Variants in MPZL1 observed in about 807,000 individuals in gnomAD.
MPZL1 encodes myelin protein zero-like protein 1.
MPZL1 carries 16 observed loss-of-function variants against 29.3 expected under a neutral mutation model. The observed-to-expected ratio is 0.55, with a 90% CI of 0.37 to 0.83. The LOEUF is 0.83. Among genes scored for constraint, MPZL1 ranks in the 40% least tolerant of loss-of-function variants. The pLI is 0.00. For synonymous variants in MPZL1, 143 were observed against 132.0 expected, an observed-to-expected ratio of 1.08 and a Z score of -0.57; for missense variants, 279 against 332.9, an observed-to-expected ratio of 0.84 and a Z score of 1.26.
rs924751226 is a variant in MPZL1 at position 167,724,149 on chromosome 1, A to G, written c.91+1907A>G. On this transcript the variant is annotated intron_variant, in intron 1 of 5. Transcript: ENST00000359523. ...GAGCTTGAAGGAGGGTCATTATCTC[A>G]GACTGTAGTTCAGGCTACTGGAGGA... 2.0e-5 allele frequency among the ~76,000 whole-genome samples: 3 copies of G among 152,300 alleles called. No individual in the cohort carries two copies. In the East Asian group the frequency reaches 5.8e-4, roughly 29 times the overall value.
chr1:167,773,124 A>G (rs925974671), intron 3 of MPZL1, 112 bp from the exon 4 acceptor site: 1 of 1,120,184 alleles, frequency 8.9e-7, no homozygotes, highest in Non-Finnish European at 1.3e-6. Flanking sequence ...TTGGATAATA[A>G]AAGAGGGTAC....
chr1:167,791,531 A>C lies in MPZL1; in HGVS notation c.*3610A>C, dbSNP rs1661715664. 1 of 152,218 alleles carries C rather than the reference A, an allele frequency of 6.6e-6. No homozygotes were observed. The highest frequency in any genetic ancestry group is 2.4e-5 in the African/African-American group (1 of 41,452). 9.4% of individuals were successfully genotyped at this position (152,218 alleles called of 1,614,324 possible). Reference sequence around the variant, plus strand: ...CTGTGAGTTAACAGTAATTGTACTAATCTTAATCCCATTGTTTGAAAGATT... The same window carrying C: ...CTGTGAGTTAACAGTAATTGTACTACTCTTAATCCCATTGTTTGAAAGATT... On this transcript the variant is annotated 3_prime_UTR_variant, in exon 6 of 6. Transcript: ENST00000359523.
chr1:167,787,593 T>C (rs573336156), intron 5 of MPZL1, among the ~76,000 whole-genome samples: 3 of 152,334 alleles, frequency 2.0e-5, no homozygotes, highest in Admixed American at 1.3e-4. Context: ...AAGAATAATG[T>C]AACAAAGCCC....
intron 1 of MPZL1, among the ~76,000 whole-genome samples, chr1:167,761,446 TAGG>T (rs1333661278): frequency 6.6e-6 from 1 of 152,004 alleles, no homozygotes; most frequent in Admixed American, 6.6e-5. Flanking sequence ...ACTTTCTACA[TAGG>T]AGTGCAGGGA....
rs12745388 is a variant in MPZL1, at chr1:167,789,761, C to G, written c.*1840C>G. 0.054 allele frequency: 8,163 copies of G among 152,426 alleles called. 279 individuals are homozygous for G. The highest frequency in any genetic ancestry group is 0.088 in the Middle Eastern group (26 of 294). The allele number at this position is 152,426 out of a possible 1,614,324, so 9.4% of individuals were successfully genotyped here. A position where few individuals can be genotyped will look rare whatever the true frequency, so the allele number is the denominator to read the frequency against. On this transcript the variant is annotated 3_prime_UTR_variant, in exon 6 of 6. Coordinates refer to ENST00000359523, the MANE Select transcript of MPZL1 (RefSeq NM_003953.6). ...TCTGTGTGGAATGGAGAAAAAAACG[C>G]CTGCCCTGCTGCCTTCCATGTTCAT...
rs1314136657 is a variant in MPZL1 at position 167,729,355 on chromosome 1, T to C, written c.91+7113T>C. Among the ~76,000 whole-genome samples the C allele has an allele frequency of 2.0e-4, 30 of 152,064 alleles. 1 individual carries two copies. The stretch of plus-strand genomic sequence containing the variant: ...CAAACATTAAGTTTACAATGTGGAG[T>C]TATATACATTTAACATAATCATGTG... On this transcript the variant is annotated intron_variant, in intron 1 of 5. Coordinates refer to ENST00000359523, the MANE Select transcript of MPZL1 (RefSeq NM_003953.6).
intron 1 of MPZL1, among the ~76,000 whole-genome samples, chr1:167,727,272 G>A (rs1660167058): frequency 6.6e-6 from 1 of 152,080 alleles, no homozygotes; most frequent in African/African-American, 2.4e-5. Flanking sequence ...ATCCACACTG[G>A]AGCTAATATA....
rs1236250495 is a variant in MPZL1 at position 167,739,262 on chromosome 1, C to CATACATAT, written c.91+17040_91+17047dup. Among the ~76,000 whole-genome samples the CATACATAT allele has an allele frequency of 5.0e-3, 599 of 119,920 alleles. 12 individuals are homozygous for CATACATAT. Among genetic ancestry groups the CATACATAT allele is most frequent in the South Asian group, 0.011 (43 of 3,916 alleles). 78.7% of individuals were successfully genotyped at this position (119,920 alleles called of 152,430 possible). A position where few individuals can be genotyped will look rare whatever the true frequency, so the allele number is the denominator to read the frequency against. On this transcript the variant is annotated intron_variant, in intron 1 of 5. Coordinates refer to ENST00000359523, the MANE Select transcript of MPZL1 (RefSeq NM_003953.6). The stretch of plus-strand genomic sequence containing the variant: ...CCAGCCAAAGGGACTAATACATACA[C>CATACATAT]ATACATATATACATATATACATATA...
intron 1 of MPZL1, among the ~76,000 whole-genome samples, chr1:167,749,135 A>G (rs1660707872): frequency 1.3e-5 from 2 of 152,240 alleles, no homozygotes; most frequent in Non-Finnish European, 2.9e-5. Flanking sequence ...GACCCCAAGG[A>G]ATTCAAGATA....
At chr1:167,726,534 A>G (rs1660148863) in intron 1 of MPZL1, among the ~76,000 whole-genome samples, 1 of 152,208 alleles carries the variant, frequency 6.6e-6, no homozygotes, top group Non-Finnish European at 1.5e-5. Flanking sequence ...AGTTTGCAAT[A>G]TGTAGTTATG....
chr1:167,751,219 T>C (rs1365852936), intron 1 of MPZL1, among the ~76,000 whole-genome samples: 3 of 152,258 alleles, frequency 2.0e-5, no homozygotes, highest in Admixed American at 6.5e-5. Context: ...CCTTAAACTT[T>C]CACTCACCAT....
chr1:167,746,483 A>C (rs1265274998), intron 1 of MPZL1, among the ~76,000 whole-genome samples: 1 of 152,216 alleles, frequency 6.6e-6, no homozygotes, highest in South Asian at 2.1e-4. Context: ...ATAACAGAAG[A>C]GTGAAGACAA....
chr1:167,770,182 G>A (rs1281899326), intron 2 of MPZL1, among the ~76,000 whole-genome samples: 1 of 152,208 alleles, frequency 6.6e-6, no homozygotes, highest in Non-Finnish European at 1.5e-5. Flanking sequence ...AGGAATGGAT[G>A]AGTCTGCACT....
chr1:167,759,654 G>A (rs188103370), intron 1 of MPZL1, among the ~76,000 whole-genome samples: 2 of 152,156 alleles, frequency 1.3e-5, no homozygotes, highest in East Asian at 3.9e-4. Flanking sequence ...TTTAAGCAAG[G>A]ATCTTCACTG....
chr1:167,767,815 T>TTTA (rs397981852), intron 2 of MPZL1, among the ~76,000 whole-genome samples: 2 of 143,602 alleles, frequency 1.4e-5, no homozygotes, highest in South Asian at 2.2e-4. Context: ...TTTTTTTTTT[T>TTTA]AGGTTAATTG....
At chr1:167,769,204 G>A (rs1661188767) in intron 2 of MPZL1, among the ~76,000 whole-genome samples, 1 of 152,134 alleles carries the variant, frequency 6.6e-6, no homozygotes, top group South Asian at 2.1e-4. Context: ...TTTTCTATGG[G>A]TCTTTCACGT....
Position 167,722,296 on chromosome 1 carries a change from A to G in MPZL1, c.91+54A>G, listed in dbSNP as rs1039280659. The stretch of plus-strand genomic sequence containing the variant: ...CCGGGGAGTGGGGCCCCCGGGCCCG[A>G]CACACGCCCATCGCGGCGGTCGCAG... On this transcript the variant is annotated intron_variant, in intron 1 of 5. Transcript: ENST00000359523. 3.2e-5 allele frequency: 39 copies of G among 1,232,388 alleles called. No homozygotes were observed. The African/African-American group carries it at 5.1e-4, about 16-fold the overall frequency. The allele number at this position is 1,232,388 out of a possible 1,614,324, so 76.3% of individuals were successfully genotyped here.
At chr1:167,729,243 C>G (rs1374849978) in intron 1 of MPZL1, among the ~76,000 whole-genome samples, 3 of 150,848 alleles carry the variant, frequency 2.0e-5, no homozygotes, top group Non-Finnish European at 2.9e-5. Context: ...GCACTCCAGC[C>G]TGGGTGATAG....
intron 1 of MPZL1, among the ~76,000 whole-genome samples, chr1:167,723,429 G>C (rs572572052): frequency 6.6e-6 from 1 of 152,360 alleles, no homozygotes; most frequent in East Asian, 1.9e-4. Flanking sequence ...TCCAGGGGTT[G>C]ACAGATGATG....
Sources: allele counts gnomAD v4.1 joint callset (sites outside exome capture counted in the v4.1 genomes callset), GRCh38; gene constraint gnomAD v4.1.1; transcripts MANE v1.5; gene names NCBI Gene and HGNC (gene_info 2026-07-23, HGNC 2026-07-21).